Variants in MSRA observed in about 807,000 individuals in gnomAD.
The protein encoded by MSRA is mitochondrial peptide methionine sulfoxide reductase.
In MSRA, 54 loss-of-function variants were observed where a neutral mutation model predicts 31.3. That is an observed-to-expected ratio of 1.73 (90% CI 1.39 to 2.17). MSRA has a LOEUF of 2.17. Among genes scored for constraint, MSRA ranks in the 30% most tolerant of loss-of-function variants. The pLI is 0.00. For missense variants in MSRA, 507 were observed against 300.9 expected (o/e 1.69, Z -5.07); for synonymous variants, 169 against 116.5 (o/e 1.45, Z -2.90).
intron 4 of MSRA, among the ~76,000 whole-genome samples, chr8:10,309,605 G>T (rs190339642): frequency 2.0e-4 from 31 of 152,188 alleles, no homozygotes; most frequent in Admixed American, 2.0e-4. Flanking sequence ...TCCTCAGAAG[G>T]CTTGGTCTGG....
intron 1 of MSRA, among the ~76,000 whole-genome samples, chr8:10,161,740 G>C (rs960831763): frequency 2.0e-5 from 3 of 152,110 alleles, no homozygotes; most frequent in Middle Eastern, 3.4e-3. Context: ...TGGGTCTCGG[G>C]GTGTCTGCAT....
At chr8:10,311,722 G>C (rs556237629) in intron 4 of MSRA, among the ~76,000 whole-genome samples, 2 of 152,230 alleles carry the variant, frequency 1.3e-5, no homozygotes, top group South Asian at 2.1e-4. Flanking sequence ...GGACCAGTCT[G>C]GGTGACATAG....
At chr8:10,160,797 G>C (rs1804572360) in intron 1 of MSRA, among the ~76,000 whole-genome samples, 1 of 152,024 alleles carries the variant, frequency 6.6e-6, no homozygotes, top group Admixed American at 6.5e-5. Context: ...CAAAGTGCTG[G>C]GATTACAGGC....
intron 2 of MSRA, among the ~76,000 whole-genome samples, chr8:10,211,283 G>A (rs182769775): frequency 3.3e-5 from 5 of 152,228 alleles, no homozygotes; most frequent in Non-Finnish European, 7.4e-5. Flanking sequence ...AAAAACTGTC[G>A]CTGGCATACA....
chr8:10,100,612 G>T (rs1585145582), intron 1 of MSRA, among the ~76,000 whole-genome samples: 1 of 152,232 alleles, frequency 6.6e-6, no homozygotes, highest in East Asian at 1.9e-4. Flanking sequence ...TCAAGTGAAA[G>T]AAAAGGTTTT....
chr8:10,058,128 G>T (rs1291738082), intron 1 of MSRA, among the ~76,000 whole-genome samples: 1 of 152,074 alleles, frequency 6.6e-6, no homozygotes, highest in East Asian at 1.9e-4. Context: ...TTGTTACAGT[G>T]CTTTTTTTGG....
chr8:10,343,885 G>C (rs372135449), intron 5 of MSRA, among the ~76,000 whole-genome samples: 61 of 152,300 alleles, frequency 4.0e-4, no homozygotes, highest in African/African-American at 1.4e-3. Context: ...TGCTACCTCA[G>C]ATCCTGTTCA....
intron 2 of MSRA, among the ~76,000 whole-genome samples, chr8:10,229,842 A>G (rs1054984173): frequency 6.6e-6 from 1 of 152,166 alleles, no homozygotes; most frequent in Admixed American, 6.6e-5. Context: ...TGGAAGAGGA[A>G]AGGGAGAGGT....
chr8:10,418,324 C>G (rs1476799779), intron 5 of MSRA, among the ~76,000 whole-genome samples: 1 of 152,098 alleles, frequency 6.6e-6, no homozygotes, highest in Non-Finnish European at 1.5e-5. Flanking sequence ...CACAGCCATT[C>G]CTCCTTGCCA....
chr8:10,310,696 G>C (rs1801387231), intron 4 of MSRA, among the ~76,000 whole-genome samples: 1 of 152,154 alleles, frequency 6.6e-6, no homozygotes, highest in African/African-American at 2.4e-5. Context: ...AAGTGATTTG[G>C]CACAAGCCAC....
chr8:10,377,073 A>G (rs1010164934), intron 5 of MSRA, among the ~76,000 whole-genome samples: 24 of 152,254 alleles, frequency 1.6e-4, no homozygotes, highest in Non-Finnish European at 5.9e-5. Context: ...CTACAAAGTT[A>G]TGCACTAACT....
intron 5 of MSRA, among the ~76,000 whole-genome samples, chr8:10,343,843 A>G (rs1032466681): frequency 6.6e-6 from 1 of 152,206 alleles, no homozygotes; most frequent in Non-Finnish European, 1.5e-5. Context: ...AGTTTTATCT[A>G]CCCAAACAAA....
At position 10,259,894 on chromosome 8, in the gene MSRA, T is replaced by C. The variant is rs539358920; in HGVS notation, c.331+14671T>C. 1.3e-4 allele frequency among the ~76,000 whole-genome samples: 20 copies of C among 152,322 alleles called. No homozygotes were observed. In the South Asian group the frequency reaches 3.9e-3, roughly 30 times the overall value. On this transcript the variant is annotated intron_variant, in intron 3 of 5. Coordinates refer to ENST00000317173, the MANE Select transcript of MSRA (RefSeq NM_012331.5). ...GTTCCTGACTCGGGCTCTGCCCGCCTCACCCCCTCTGTAGGCTCTCCCTGG... is the reference window on the plus strand; with the variant it reads ...GTTCCTGACTCGGGCTCTGCCCGCCCCACCCCCTCTGTAGGCTCTCCCTGG...
chr8:10,267,927 C>G (rs952697717), intron 3 of MSRA, among the ~76,000 whole-genome samples: 1 of 152,166 alleles, frequency 6.6e-6, no homozygotes, highest in African/African-American at 2.4e-5. Context: ...AGGGACCTTC[C>G]CTAACCCCAT....
intron 5 of MSRA, among the ~76,000 whole-genome samples, chr8:10,363,002 T>G (rs1046202265): frequency 1.3e-5 from 2 of 152,198 alleles, no homozygotes; most frequent in African/African-American, 4.8e-5. Context: ...ATTCATTTGG[T>G]GTTAAGAACA....
At chr8:10,151,036 G>A (rs1803618345) in intron 1 of MSRA, among the ~76,000 whole-genome samples, 2 of 151,960 alleles carry the variant, frequency 1.3e-5, no homozygotes, top group African/African-American at 4.8e-5. Flanking sequence ...GTGGGGATGA[G>A]GCATGGTGAT....
At chr8:10,336,703 TACA>T (rs1176356793) in intron 5 of MSRA, 1 of 152,220 alleles carries the variant, frequency 6.6e-6, no homozygotes, top group African/African-American at 2.4e-5. Flanking sequence ...CATGATAAAT[TACA>T]AGTCTGTATT....
At chr8:10,102,481 C>T (rs887781125) in intron 1 of MSRA, among the ~76,000 whole-genome samples, 1 of 152,068 alleles carries the variant, frequency 6.6e-6, no homozygotes, top group African/African-American at 2.4e-5. Flanking sequence ...CTGAGACTTT[C>T]TGTTTTTAAA....
intron 3 of MSRA, among the ~76,000 whole-genome samples, chr8:10,253,434 A>C (rs1229365259): frequency 1.3e-5 from 2 of 152,256 alleles, no homozygotes; most frequent in Admixed American, 6.5e-5. Context: ...AGACTGACAG[A>C]CTTTAAGTAG....
Sources: gnomAD v4.1 joint callset for allele counts (sites outside exome capture counted in the v4.1 genomes callset) on GRCh38, gnomAD v4.1.1 for gene constraint, MANE v1.5 for transcripts, NCBI Gene and HGNC (gene_info 2026-07-23, HGNC 2026-07-21) for gene names.